MCF2L: variants seen among roughly 807,000 people sequenced by gnomAD.
The protein encoded by MCF2L is MCF.2 cell line derived transforming sequence like, also known as guanine nucleotide exchange factor DBS.
A neutral mutation model predicts 153.4 loss-of-function variants in MCF2L; 97 were observed. The observed-to-expected ratio is 0.63, with a 90% CI of 0.54 to 0.75. MCF2L has a LOEUF of 0.75. MCF2L is among the 30% of genes least tolerant of loss of function. MCF2L has a pLI of 0.00. For missense variants in MCF2L, 1,347 were observed against 1,495.2 expected (o/e 0.90, Z 1.64); for synonymous variants, 659 against 632.2 (o/e 1.04, Z -0.64).
At chr13:112,912,090 A>G (rs950526345) in intron 2 of MCF2L, among the ~76,000 whole-genome samples, 4 of 152,076 alleles carry the variant, frequency 2.6e-5, no homozygotes, top group African/African-American at 9.7e-5. Flanking sequence ...TGTTCTGTGA[A>G]GTTTCCCATC....
At chr13:112,947,428 G>T (rs1236836084) in intron 2 of MCF2L, among the ~76,000 whole-genome samples, 3 of 152,132 alleles carry the variant, frequency 2.0e-5, no homozygotes, top group African/African-American at 2.4e-5. Flanking sequence ...CTCAAGGAAC[G>T]ATTCATCTGA....
At chr13:113,091,140 C>T (rs1944028215) in intron 26 of MCF2L, 1 of 1,300,320 alleles carries the variant, frequency 7.7e-7, no homozygotes, top group African/African-American at 1.6e-5. Context: ...CCAGTCCTGA[C>T]AAAAAAGCCA....
chr13:112,944,979 GCAA>G (rs939876561), intron 2 of MCF2L, among the ~76,000 whole-genome samples: 57 of 150,396 alleles, frequency 3.8e-4, no homozygotes, highest in African/African-American at 1.3e-3. Context: ...GAAAATCGAT[GCAA>G]TGCCAATTAG....
chr13:113,048,747 T>C (rs2087002803), intron 4 of MCF2L, among the ~76,000 whole-genome samples: 1 of 152,106 alleles, frequency 6.6e-6, no homozygotes, highest in Admixed American at 6.5e-5. Flanking sequence ...CGGCTTATGG[T>C]CATATTAATA....
intron 4 of MCF2L, among the ~76,000 whole-genome samples, chr13:113,056,567 AGTGTTTGCGTGCTGT>A (rs1195236823): frequency 1.0e-5 from 1 of 99,864 alleles, no homozygotes; most frequent in Non-Finnish European, 1.9e-5. Context: ...GTGGGCGCTG[AGTGTTTGCGTGCTGT>A]GTGTTTGGGT....
chr13:112,949,740 CCGTCT>C (rs1288343855), intron 2 of MCF2L, among the ~76,000 whole-genome samples: 1 of 150,824 alleles, frequency 6.6e-6, no homozygotes, highest in African/African-American at 2.4e-5. Flanking sequence ...GAGGGGGGGA[CCGTCT>C]TACTTATTAA....
intron 1 of MCF2L, among the ~76,000 whole-genome samples, chr13:113,006,833 G>T (rs1053250273): frequency 6.6e-6 from 1 of 152,222 alleles, no homozygotes; most frequent in African/African-American, 2.4e-5. Flanking sequence ...TCACATGTGC[G>T]GAGGTTTGGC....
intron 1 of MCF2L, chr13:112,979,808 C>T: frequency 1.3e-6 from 2 of 1,537,630 alleles, no homozygotes; most frequent in Non-Finnish European, 8.8e-7. Flanking sequence ...TGTGTCCCCT[C>T]TGCAGGTGTC....
At chr13:112,989,645 GGGATGGAA>G (rs1298018544) in intron 1 of MCF2L, among the ~76,000 whole-genome samples, 1 of 52,786 alleles carries the variant, frequency 1.9e-5, no homozygotes, top group Non-Finnish European at 4.3e-5. Context: ...CCCTGAGCAG[GGGATGGAA>G]CTACCACACC....
chr13:113,029,497 T>A (rs950093571), intron 3 of MCF2L, among the ~76,000 whole-genome samples: 4 of 152,136 alleles, frequency 2.6e-5, no homozygotes, highest in African/African-American at 9.7e-5. Flanking sequence ...GCCTTGCAGG[T>A]GCAGCTTGGC....
At chr13:113,036,614 G>A (rs1271314828) in intron 3 of MCF2L, among the ~76,000 whole-genome samples, 6 of 152,242 alleles carry the variant, frequency 3.9e-5, no homozygotes, top group African/African-American at 9.6e-5. Flanking sequence ...ACAGAAGGAC[G>A]CGCTGTCCCG....
intron 1 of MCF2L, chr13:112,979,568 C>A: frequency 2.5e-6 from 4 of 1,571,482 alleles, no homozygotes; most frequent in Non-Finnish European, 3.4e-6. Context: ...AGCAGAGACC[C>A]GAAGGCTGTG....
chr13:113,025,737 A>C (rs978727672), intron 3 of MCF2L, among the ~76,000 whole-genome samples: 2,297 of 71,944 alleles, frequency 0.032, no homozygotes, highest in South Asian at 0.075. Context: ...GTGAGATTTC[A>C]CCAGGGTGGG....
intron 2 of MCF2L, among the ~76,000 whole-genome samples, chr13:112,938,812 G>A (rs536243255): frequency 1.3e-5 from 2 of 152,262 alleles, no homozygotes; most frequent in East Asian, 3.9e-4. Context: ...CGAGGCAGAC[G>A]CTGTGGCCAG....
chr13:112,931,790 A>T (rs2081466434), intron 2 of MCF2L, among the ~76,000 whole-genome samples: 1 of 152,134 alleles, frequency 6.6e-6, no homozygotes, highest in Non-Finnish European at 1.5e-5. Context: ...AAAACAAACA[A>T]AACAAAACCC....
intron 1 of MCF2L, among the ~76,000 whole-genome samples, chr13:113,006,619 G>T (rs2083713961): frequency 6.6e-6 from 1 of 152,232 alleles, no homozygotes; most frequent in African/African-American, 2.4e-5. Context: ...GTGGCTGGGA[G>T]AGCAGGCGCA....
At chr13:112,956,401 G>C (rs1190103243) in intron 2 of MCF2L, 1 of 152,224 alleles carries the variant, frequency 6.6e-6, no homozygotes, top group African/African-American at 2.4e-5. Flanking sequence ...TGAAAATACT[G>C]TTCTGAGAAT....
At position 112,969,559 on chromosome 13, in the gene MCF2L, TC is replaced by T. The variant is rs1432579071; in HGVS notation, c.79+103del. ...TGATTTTTGTAAGCCGCCCTCGTGT[TC>T]CTTTCTAGCCGTGGTAGCTGTGACA... On this transcript the variant is annotated intron_variant, in intron 1 of 29. Coordinates refer to ENST00000535094, the MANE Select transcript of MCF2L (RefSeq NM_001112732.3). The surrounding 1 kb of genome is among the most constrained non-coding windows in gnomAD (Gnocchi z 4.8). 9 of 1,519,302 alleles carry T rather than the reference TC, an allele frequency of 5.9e-6. No individual in the cohort carries two copies. Among genetic ancestry groups the T allele is most frequent in the African/African-American group, 1.4e-5 (1 of 72,402 alleles). 94.1% of individuals were successfully genotyped at this position (1,519,302 alleles called of 1,614,324 possible). A position where few individuals can be genotyped will look rare whatever the true frequency, so the allele number is the denominator to read the frequency against.
intron 5 of MCF2L, among the ~76,000 whole-genome samples, chr13:113,061,929 C>T (rs1453833952): frequency 8.2e-6 from 1 of 122,102 alleles, no homozygotes; most frequent in African/African-American, 3.3e-5. Flanking sequence ...CCCTGGGGGT[C>T]ACAAGGCCCC....
Sources: allele counts gnomAD v4.1 joint callset (sites outside exome capture counted in the v4.1 genomes callset), GRCh38; gene constraint gnomAD v4.1.1; non-coding constraint Gnocchi (gnomAD v3.1); transcripts MANE v1.5; gene names NCBI Gene and HGNC (gene_info 2026-07-23, HGNC 2026-07-21).